The following RNF217 variants were observed in gnomAD, a reference collection of about 807,000 sequenced individuals.
RNF217 encodes the protein ring finger protein 217.
RNF217 carries 31 observed loss-of-function variants against 57.8 expected under a neutral mutation model. That is an observed-to-expected ratio of 0.54 (90% CI 0.40 to 0.72). The LOEUF (loss-of-function observed/expected upper bound fraction) is 0.72. Ranked by LOEUF, RNF217 falls within the 30% of genes least tolerant of loss-of-function variation. RNF217 has a pLI of 0.00. For synonymous variants in RNF217, 313 were observed against 294.0 expected (o/e 1.06, Z -0.66); for missense variants, 696 against 708.3 (o/e 0.98, Z 0.20).
At chr6:124,981,803 G>A (rs1266935558) in intron 1 of RNF217, among the ~76,000 whole-genome samples, 1 of 151,648 alleles carries the variant, frequency 6.6e-6, no homozygotes, top group East Asian at 1.9e-4. Flanking sequence ...CAGACCACTA[G>A]GTCAAGAGAT....
intron 4 of RNF217, among the ~76,000 whole-genome samples, chr6:125,080,409 A>G (rs572000350): frequency 7.9e-5 from 12 of 152,278 alleles, no homozygotes; most frequent in African/African-American, 2.4e-4. Context: ...TGTTTTGACA[A>G]ACTTCCAACA....
At chr6:125,024,447 G>A (rs542138553) in intron 1 of RNF217, among the ~76,000 whole-genome samples, 2 of 152,046 alleles carry the variant, frequency 1.3e-5, no homozygotes, top group East Asian at 3.9e-4. Context: ...GCCAGGCATG[G>A]TGGTGCACGC....
At chr6:124,994,695 C>G (rs1784682290) in intron 1 of RNF217, among the ~76,000 whole-genome samples, 1 of 152,142 alleles carries the variant, frequency 6.6e-6, no homozygotes, top group Non-Finnish European at 1.5e-5. Flanking sequence ...CTGAGCTGCC[C>G]AAGTGTTTTC....
chr6:124,999,838 T>A (rs553619259), intron 1 of RNF217, among the ~76,000 whole-genome samples: 28 of 152,170 alleles, frequency 1.8e-4, no homozygotes, highest in Non-Finnish European at 3.4e-4. Context: ...CTTACTTATT[T>A]CTCTTATACA....
intron 1 of RNF217, among the ~76,000 whole-genome samples, chr6:125,002,857 T>C (rs570996100): frequency 9.9e-5 from 15 of 152,258 alleles, no homozygotes; most frequent in Non-Finnish European, 1.8e-4. Flanking sequence ...TTGCAGACTT[T>C]ATTAGGCAGA....
intron 1 of RNF217, among the ~76,000 whole-genome samples, chr6:124,982,506 T>A (rs997727158): frequency 6.6e-6 from 1 of 152,146 alleles, no homozygotes; most frequent in Non-Finnish European, 1.5e-5. Flanking sequence ...ATGGGAAAAT[T>A]CTGTAGTCTA....
intron 1 of RNF217, among the ~76,000 whole-genome samples, chr6:124,989,149 A>AT (rs1287884004): frequency 6.6e-6 from 1 of 151,710 alleles, no homozygotes; most frequent in Admixed American, 6.6e-5. Flanking sequence ...GTGTGATGGA[A>AT]TTTTTTTTTA....
intron 1 of RNF217, among the ~76,000 whole-genome samples, chr6:124,981,868 A>G (rs976226037): frequency 6.6e-6 from 1 of 151,422 alleles, no homozygotes; most frequent in African/African-American, 2.4e-5. Context: ...AATACAAAAA[A>G]AAAAAAAAAT....
intron 3 of RNF217, among the ~76,000 whole-genome samples, chr6:125,064,863 A>G (rs1787874519): frequency 1.3e-5 from 2 of 152,072 alleles, no homozygotes; most frequent in East Asian, 1.9e-4. Flanking sequence ...TAGTTAGGGT[A>G]CTAGAAAATG....
At chr6:124,973,254 CA>C (rs1423155342) in intron 1 of RNF217, among the ~76,000 whole-genome samples, 7 of 152,274 alleles carry the variant, frequency 4.6e-5, no homozygotes, top group Middle Eastern at 3.4e-3. Context: ...TCTATCACTC[CA>C]GCTCTCCTCC....
chr6:124,997,412 A>C (rs911221118), intron 1 of RNF217, among the ~76,000 whole-genome samples: 3 of 152,030 alleles, frequency 2.0e-5, no homozygotes, highest in Non-Finnish European at 2.9e-5. Flanking sequence ...CCAATTACTT[A>C]ACCATATGCG....
Position 125,082,980 on chromosome 6 carries a change from C to T in RNF217, c.*43C>T, listed in dbSNP as rs534970954. On this transcript the variant is annotated 3_prime_UTR_variant, in exon 6 of 6. Coordinates refer to ENST00000521654, the MANE Select transcript of RNF217 (RefSeq NM_001286398.3). The stretch of plus-strand genomic sequence containing the variant: ...CCAGCTAAGCTGGTTGGAGTAGGAG[C>T]GATACCAAAGGGTACACCCATCTGT... The T allele has an allele frequency of 5.4e-5, 76 of 1,396,752 alleles. 1 individual carries two copies. The African/African-American group carries it at 7.4e-4, about 14-fold the overall frequency. 86.5% of individuals were successfully genotyped at this position (1,396,752 alleles called of 1,614,324 possible).
intron 2 of RNF217, among the ~76,000 whole-genome samples, chr6:125,054,871 A>G (rs906112183): frequency 6.6e-6 from 1 of 152,144 alleles, no homozygotes; most frequent in African/African-American, 2.4e-5. Flanking sequence ...TGGCCCTGCA[A>G]CCACACTTTG....
intron 1 of RNF217, among the ~76,000 whole-genome samples, chr6:125,044,069 T>A (rs936813131): frequency 2.7e-5 from 4 of 148,596 alleles, no homozygotes; most frequent in African/African-American, 9.8e-5. Flanking sequence ...TTTTTTTTTT[T>A]AATTGCTTTT....
Position 125,065,084 on chromosome 6 carries a change from G to A in RNF217, c.1281+6978G>A, listed in dbSNP as rs532820340. ...AGGTCAGGAGATCGAGATCATCCTGGCTAACACGGTGAAACTCCGTCTCTA... is the reference window on the plus strand; with the variant it reads ...AGGTCAGGAGATCGAGATCATCCTGACTAACACGGTGAAACTCCGTCTCTA... On this transcript the variant is annotated intron_variant, in intron 3 of 5. Transcript: ENST00000521654. Among the ~76,000 whole-genome samples the A allele has an allele frequency of 3.5e-4, 53 of 151,860 alleles. 1 individual carries two copies. In the East Asian group the frequency reaches 0.01, roughly 29 times the overall value.
intron 1 of RNF217, among the ~76,000 whole-genome samples, chr6:125,025,379 T>G (rs1304696002): frequency 6.7e-6 from 1 of 150,354 alleles, no homozygotes; most frequent in African/African-American, 2.5e-5. Context: ...TTTTGTTTTC[T>G]TTTGCTTTTA....
intron 1 of RNF217, among the ~76,000 whole-genome samples, chr6:125,014,223 CA>C (rs1562468328): frequency 6.6e-6 from 1 of 152,106 alleles, no homozygotes. Context: ...ATGCCTTTAT[CA>C]AAATACCACC....
intron 3 of RNF217, among the ~76,000 whole-genome samples, chr6:125,068,453 T>C (rs1788017561): frequency 6.6e-6 from 1 of 152,214 alleles, no homozygotes. Flanking sequence ...TATTGAGTAC[T>C]GTCTTCATAC....
At chr6:124,992,726 C>G (rs1784606064) in intron 1 of RNF217, among the ~76,000 whole-genome samples, 1 of 151,992 alleles carries the variant, frequency 6.6e-6, no homozygotes, top group African/African-American at 2.4e-5. Flanking sequence ...AATTCTTTAG[C>G]AGAACATTCT....
Sources: gnomAD v4.1 joint callset for allele counts (sites outside exome capture counted in the v4.1 genomes callset) on GRCh38, gnomAD v4.1.1 for gene constraint, MANE v1.5 for transcripts, NCBI Gene and HGNC (gene_info 2026-07-23, HGNC 2026-07-21) for gene names.